Variants in UBXN8 observed in about 807,000 individuals in gnomAD.
UBXN8 encodes the protein UBX domain protein 8, also known as UBX domain-containing protein 8.
In UBXN8, 27 loss-of-function variants were observed where a neutral mutation model predicts 32.1. The ratio of observed to expected loss-of-function variants is 0.84; its 90% CI spans 0.62 to 1.16. The LOEUF is 1.16. UBXN8 is among the 50% of genes most tolerant of loss of function. UBXN8 has a pLI of 0.00. For missense variants in UBXN8, 306 were observed against 311.4 expected (o/e 0.98, Z 0.13); for synonymous variants, 109 against 111.8 (o/e 0.98, Z 0.16).
intron 1 of UBXN8, among the ~76,000 whole-genome samples, chr8:30,734,492 C>G (rs189625601): frequency 6.6e-6 from 1 of 152,016 alleles, no homozygotes; most frequent in Non-Finnish European, 1.5e-5. Context: ...TGGTGGGATA[C>G]ACCTGTAGTC....
intron 1 of UBXN8, among the ~76,000 whole-genome samples, chr8:30,733,493 A>G (rs933586852): frequency 6.6e-6 from 1 of 152,226 alleles, no homozygotes; most frequent in South Asian, 2.1e-4. Context: ...TACATTGCAG[A>G]GGACACCAGC....
At chr8:30,731,511 C>T (rs1804957604), upstream of UBXN8, among the ~76,000 whole-genome samples, 1 of 152,150 alleles carries the variant, frequency 6.6e-6, no homozygotes, top group South Asian at 2.1e-4. Flanking sequence ...AAACTGAGAG[C>T]CACTATCTCT....
At chr8:30,741,067 C>T (rs1053245091), upstream of UBXN8, among the ~76,000 whole-genome samples, 1 of 152,132 alleles carries the variant, frequency 6.6e-6, no homozygotes, top group Non-Finnish European at 1.5e-5. Context: ...TGTCCAATCC[C>T]AGTGAAATCT....
intron 1 of UBXN8, among the ~76,000 whole-genome samples, chr8:30,750,551 T>C (rs148784293): frequency 0.017 from 2,604 of 151,348 alleles, 38 homozygotes; most frequent in South Asian, 0.024. Context: ...GGCGGGCGGA[T>C]CATGAGGTCA....
chr8:30,756,264 C>T (rs1805656332), intron 4 of UBXN8: 2 of 154,540 alleles, frequency 1.3e-5, no homozygotes, highest in African/African-American at 4.8e-5. Context: ...CCTCAGTCTC[C>T]CACGTAGCTG....
chr8:30,749,699 A>G (rs898253015), intron 1 of UBXN8, among the ~76,000 whole-genome samples: 3 of 150,262 alleles, frequency 2.0e-5, no homozygotes, highest in Non-Finnish European at 4.4e-5. Flanking sequence ...TCTGCCTCAC[A>G]GGTTCATGAC....
At chr8:30,749,484 T>C (rs947468292) in intron 1 of UBXN8, among the ~76,000 whole-genome samples, 3 of 151,982 alleles carry the variant, frequency 2.0e-5, no homozygotes, top group African/African-American at 7.2e-5. Context: ...GTAATTTTAC[T>C]TACAAGTGAC....
intron 1 of UBXN8, among the ~76,000 whole-genome samples, chr8:30,748,908 G>A (rs1023408445): frequency 6.6e-5 from 10 of 152,102 alleles, no homozygotes; most frequent in African/African-American, 2.4e-4. Flanking sequence ...CCTTGATCAC[G>A]TTGGATTCCT....
chr8:30,753,949 A>G (rs1374815944), intron 3 of UBXN8, among the ~76,000 whole-genome samples: 1 of 151,966 alleles, frequency 6.6e-6, no homozygotes, highest in Non-Finnish European at 1.5e-5. Flanking sequence ...GCTAATTTTT[A>G]AAAAATTTTG....
intron 7 of UBXN8, among the ~76,000 whole-genome samples, chr8:30,763,580 G>A (rs944171331): frequency 6.6e-6 from 1 of 152,104 alleles, no homozygotes; most frequent in African/African-American, 2.4e-5. Flanking sequence ...TTTCCCTTTG[G>A]TGTATTTTTC....
At chr8:30,738,298 T>A (rs972322379) in intron 1 of UBXN8, among the ~76,000 whole-genome samples, 2 of 151,674 alleles carry the variant, frequency 1.3e-5, no homozygotes, top group Non-Finnish European at 2.9e-5. Flanking sequence ...GCAGGATTGC[T>A]TGAGCCTAGG....
chr8:30,761,581 T>C (rs1210755868), intron 6 of UBXN8, among the ~76,000 whole-genome samples: 6 of 152,072 alleles, frequency 3.9e-5, no homozygotes, highest in African/African-American at 1.4e-4. Flanking sequence ...GGTCAGAAAA[T>C]GCGTTGCTTA....
chr8:30,742,542 A>G (rs1267754440), upstream of UBXN8, among the ~76,000 whole-genome samples: 2 of 151,570 alleles, frequency 1.3e-5, no homozygotes, highest in African/African-American at 4.9e-5. Context: ...AGGTTTAGCT[A>G]TGTTGCCCAG....
chr8:30,755,042 G>A (rs565917972), intron 4 of UBXN8, among the ~76,000 whole-genome samples: 12 of 141,148 alleles, frequency 8.5e-5, no homozygotes, highest in Non-Finnish European at 1.4e-4. Flanking sequence ...TGCAAGCTCC[G>A]CCTCCCAGGT....
At position 30,763,276 on chromosome 8, in the gene UBXN8, G is replaced by T. The variant is rs1563566848; in HGVS notation, c.574G>T (p.Val192Phe). The change falls in exon 7 of 8, where the codon GTT becomes TTT. Residue 192 changes from valine (V) to phenylalanine (F), a missense_variant. Transcript: ENST00000265616. ...TATGTGAATATTTCTTCCTTAGGTAGTTACTGTTGCTCTCCGATGTCCCAG... is the reference window on the plus strand; with the variant it reads ...TATGTGAATATTTCTTCCTTAGGTATTTACTGTTGCTCTCCGATGTCCCAG... ...EEPSQTAEEV[V>F]TVALRCPSGN... The T allele has an allele frequency of 6.2e-7, 1 of 1,613,840 alleles. No individual in the cohort carries two copies. Among genetic ancestry groups the T allele is most frequent in the South Asian group, 1.1e-5 (1 of 91,084 alleles).
intron 7 of UBXN8, 36 bp from the exon 8 acceptor site, chr8:30,766,191 T>C: frequency 6.3e-7 from 1 of 1,588,502 alleles, no homozygotes; most frequent in Non-Finnish European, 8.6e-7. Flanking sequence ...GTGTAAAGTA[T>C]TTGATAATGA....
At chr8:30,743,346 G>A (rs975705833), upstream of UBXN8, among the ~76,000 whole-genome samples, 8 of 151,226 alleles carry the variant, frequency 5.3e-5, no homozygotes, top group Non-Finnish European at 1.2e-4. Context: ...AGTAGAGACG[G>A]GGTTTCACCA....
chr8:30,754,208 C>A (rs1187812150), intron 3 of UBXN8: 11 of 266,068 alleles, frequency 4.1e-5, no homozygotes, highest in Non-Finnish European at 7.5e-5. Flanking sequence ...CCACTGCACT[C>A]CATCCTGGGT....
At position 30,751,389 on chromosome 8, in the gene UBXN8, T is replaced by A. The variant is rs752273239; in HGVS notation, c.89-7T>A. The stretch of plus-strand genomic sequence containing the variant: ...GAATTTTAATTTTAGTTTTTTTCCT[T>A]TATCAGGAATCAAGGATTTTCTTTT... On this transcript the variant is annotated splice_region_variant and splice_polypyrimidine_tract_variant and intron_variant, in intron 1 of 7. Transcript: ENST00000265616. 6.4e-7 allele frequency: 1 copy of A among 1,563,680 alleles called. No individual in the cohort carries two copies. The highest frequency in any genetic ancestry group is 2.0e-5 in the Admixed American group (1 of 49,458).
Sources: gnomAD v4.1 joint callset for allele counts (sites outside exome capture counted in the v4.1 genomes callset) on GRCh38, gnomAD v4.1.1 for gene constraint, MANE v1.5 for transcripts, NCBI Gene and HGNC (gene_info 2026-07-23, HGNC 2026-07-21) for gene names.